The following ITPRID1 variants were observed in gnomAD, a reference collection of about 807,000 sequenced individuals.
ITPRID1 encodes protein ITPRID1.
ITPRID1 carries 96 observed loss-of-function variants against 95.4 expected under a neutral mutation model. That is an observed-to-expected ratio of 1.01 (90% CI 0.85 to 1.19). The LOEUF is 1.19. Among genes scored for constraint, ITPRID1 ranks in the 50% most tolerant of loss-of-function variants. The pLI is 0.00. For missense variants in ITPRID1, 1,339 were observed against 1,252.9 expected (o/e 1.07, Z -1.04); for synonymous variants, 510 against 453.6 (o/e 1.12, Z -1.58).
At chr7:31,520,322 G>A (rs937790383) in intron 1 of ITPRID1, among the ~76,000 whole-genome samples, 10 of 152,066 alleles carry the variant, frequency 6.6e-5, no homozygotes, top group African/African-American at 2.2e-4. Flanking sequence ...GTTAAGTTAC[G>A]CTTTTCCTCT....
intron 1 of ITPRID1, among the ~76,000 whole-genome samples, chr7:31,546,941 A>C (rs2128134721): frequency 6.6e-6 from 1 of 152,270 alleles, no homozygotes; most frequent in East Asian, 1.9e-4. Flanking sequence ...ATTGGAAAGA[A>C]GAAAATCAGC....
chr7:31,553,114 G>A lies in ITPRID1; in HGVS notation c.90G>A (p.Ala30=), dbSNP rs771087429. ...KREILKCTKS[A]WAPLDEWLPP... ...AGATCCTGAAGTGCACCAAAAGCGC[G>A]TGGGCTCCGCTGGATGAGTGGCTGC... The change falls in exon 3 of 15, where the codon GCG becomes GCA. Residue 30 remains alanine (A), a synonymous_variant. Transcript: ENST00000615280. 39 of 1,600,792 alleles carry A rather than the reference G, an allele frequency of 2.4e-5. No homozygotes were observed. The highest frequency in any genetic ancestry group is 1.2e-4 in the Admixed American group (7 of 58,444).
In ITPRID1 at chr7:31,646,573, C is replaced by T. The variant is rs1049920873; in HGVS notation, c.2583+2620C>T. ...GCTCCAGGGTGACCAAGTGTGGACC[C>T]GAGCTCTTCTTATTCCTCCTTCCTA... On this transcript the variant is annotated intron_variant, in intron 12 of 14. Transcript: ENST00000615280. 6.6e-5 allele frequency among the ~76,000 whole-genome samples: 10 copies of T among 152,266 alleles called. No homozygotes were observed. The East Asian group carries it at 9.6e-4, about 15-fold the overall frequency.
At chr7:31,544,987 C>T (rs1207972536) in intron 1 of ITPRID1, among the ~76,000 whole-genome samples, 1 of 152,056 alleles carries the variant, frequency 6.6e-6, no homozygotes, top group African/African-American at 2.4e-5. Flanking sequence ...ATGAATAAGT[C>T]ATGGTCATTG....
intron 1 of ITPRID1, among the ~76,000 whole-genome samples, chr7:31,519,637 T>TATATATATATATATATATATATATAG: frequency 7.6e-6 from 1 of 132,242 alleles, no homozygotes; most frequent in Non-Finnish European, 1.6e-5. Flanking sequence ...TATATATATA[T>TATATATATATATATATATATATATAG]ATATATATAA....
intron 10 of ITPRID1, among the ~76,000 whole-genome samples, chr7:31,633,899 C>A (rs1789239352): frequency 6.6e-6 from 1 of 152,222 alleles, no homozygotes; most frequent in African/African-American, 2.4e-5. Flanking sequence ...TTTTCTCCCT[C>A]TTCCCATGTA....
At position 31,554,524 on chromosome 7, in the gene ITPRID1, G is replaced by A. The variant is rs78453087; in HGVS notation, c.212+1G>A. The A allele has an allele frequency of 6.8e-6, 11 of 1,612,306 alleles. No individual in the cohort carries two copies. Among genetic ancestry groups the A allele is most frequent in the East Asian group, 6.7e-5 (3 of 44,788 alleles). Reference sequence around the variant, plus strand: ...AGCAGTGGCTGGACTCTGGATTCTTGTAAGTGTTTTTGTGTGTGTGTGCCT... The same window carrying A: ...AGCAGTGGCTGGACTCTGGATTCTTATAAGTGTTTTTGTGTGTGTGTGCCT... On this transcript the variant is annotated splice_donor_variant, in intron 4 of 14. Coordinates refer to ENST00000615280, the MANE Select transcript of ITPRID1 (RefSeq NM_001257967.3). LOFTEE classifies it high-confidence loss of function.
chr7:31,644,701 C>G (rs1790314268), intron 12 of ITPRID1, among the ~76,000 whole-genome samples: 1 of 152,282 alleles, frequency 6.6e-6, no homozygotes, highest in African/African-American at 2.4e-5. Flanking sequence ...CCAGTACCTC[C>G]TTTTTAGTAA....
intron 1 of ITPRID1, among the ~76,000 whole-genome samples, chr7:31,525,503 A>G (rs992110628): frequency 6.6e-6 from 1 of 152,214 alleles, no homozygotes; most frequent in African/African-American, 2.4e-5. Context: ...AACAGGCACA[A>G]TGTGGTAAAT....
chr7:31,606,591 G>T (rs1392714572), intron 10 of ITPRID1, among the ~76,000 whole-genome samples: 1 of 152,142 alleles, frequency 6.6e-6, no homozygotes, highest in African/African-American at 2.4e-5. Flanking sequence ...CTTTTGATCA[G>T]ACTTGATATG....
intron 10 of ITPRID1, among the ~76,000 whole-genome samples, chr7:31,587,613 T>C (rs1362215648): frequency 6.6e-6 from 1 of 150,952 alleles, no homozygotes; most frequent in East Asian, 1.9e-4. Flanking sequence ...TACCAATGCC[T>C]TTCTTCACAG....
intron 2 of ITPRID1, 124 bp from the exon 3 acceptor site, chr7:31,552,878 A>T: frequency 9.0e-6 from 9 of 1,005,430 alleles, no homozygotes; most frequent in Non-Finnish European, 1.3e-5. Context: ...AGGTTCATGT[A>T]TGACTGTGAA....
chr7:31,636,338 T>C (rs915601742), intron 10 of ITPRID1, among the ~76,000 whole-genome samples: 8 of 152,332 alleles, frequency 5.3e-5, no homozygotes, highest in African/African-American at 1.7e-4. Flanking sequence ...TTCTAACGTA[T>C]AATTTCATCC....
rs566468223 is a variant in ITPRID1, at chr7:31,621,896, A to G, written c.1229-20280A>G. 2.0e-3 allele frequency among the ~76,000 whole-genome samples: 304 copies of G among 151,916 alleles called. 1 individual carries two copies. Among genetic ancestry groups the G allele is most frequent in the African/African-American group, 7.0e-3 (289 of 41,366 alleles). ...GCAGAGACACATAGGCTCAAAATAA[A>G]AGGATGGAGGAAGATCTACCAAGCC... On this transcript the variant is annotated intron_variant, in intron 10 of 14. Transcript: ENST00000615280.
rs1213746799 is a variant in ITPRID1, at chr7:31,583,160, T to G, written c.1197T>G (p.Gly399=). ...TCCAAAGCTTTGAAGAAGAGACTGG[T>G]AATCCTCTTGACATGACTTCAGGAA... ...EEVQSFEEET[G]NPLDMTSGTV... Residue 399 remains glycine, a synonymous_variant, in exon 10 of 15, where the codon GGT becomes GGG. Coordinates refer to ENST00000615280, the MANE Select transcript of ITPRID1 (RefSeq NM_001257967.3). 1 of 1,611,786 alleles carries G rather than the reference T, an allele frequency of 6.2e-7. No homozygotes were observed.
At chr7:31,573,165 T>C (rs1785051639) in intron 7 of ITPRID1, among the ~76,000 whole-genome samples, 1 of 152,204 alleles carries the variant, frequency 6.6e-6, no homozygotes, top group Non-Finnish European at 1.5e-5. Context: ...TCAATTGCAC[T>C]GCATGGTGAC....
At chr7:31,648,232 T>C (rs1790655712) in intron 12 of ITPRID1, among the ~76,000 whole-genome samples, 1 of 152,194 alleles carries the variant, frequency 6.6e-6, no homozygotes, top group Non-Finnish European at 1.5e-5. Context: ...GATGGTGCTC[T>C]TACCATTGAA....
At position 31,601,311 on chromosome 7, in the gene ITPRID1, C is replaced by A. The variant is rs532481336; in HGVS notation, c.1228+18120C>A. On this transcript the variant is annotated intron_variant, in intron 10 of 14. Coordinates refer to ENST00000615280, the MANE Select transcript of ITPRID1 (RefSeq NM_001257967.3). ...TTACTGAGGCTTCAGTCACTTTACA[C>A]ATATTAATTCATGGAAACTTTCTTT... Among the ~76,000 whole-genome samples, 7 of 152,258 alleles carry A rather than the reference C, an allele frequency of 4.6e-5. No individual in the cohort carries two copies. In the East Asian group the frequency reaches 1.4e-3, roughly 29 times the overall value.
intron 1 of ITPRID1, chr7:31,517,550 C>A (rs193053302): frequency 6.5e-6 from 1 of 153,316 alleles, no homozygotes. Flanking sequence ...GAGGGAATAG[C>A]GGTCCACGCA....
Sources: gnomAD v4.1 joint callset for allele counts (sites outside exome capture counted in the v4.1 genomes callset) on GRCh38, gnomAD v4.1.1 for gene constraint, MANE v1.5 for transcripts, NCBI Gene and HGNC (gene_info 2026-07-23, HGNC 2026-07-21) for gene names.